TMC1: variants seen among roughly 807,000 people sequenced by gnomAD.
TMC1 encodes the protein transmembrane channel-like protein 1.
In TMC1, 84 loss-of-function variants were observed where a neutral mutation model predicts 105.8. The observed-to-expected ratio is 0.79, with a 90% CI of 0.67 to 0.95. The LOEUF is 0.95. Ranked by LOEUF, TMC1 falls within the 40% of genes least tolerant of loss-of-function variation. The pLI is 0.00. For missense variants in TMC1, 817 were observed against 914.1 expected, an observed-to-expected ratio of 0.89 and a Z score of 1.37; for synonymous variants, 315 against 311.5, an observed-to-expected ratio of 1.01 and a Z score of -0.12.
intron 3 of TMC1, among the ~76,000 whole-genome samples, chr9:72,624,404 T>C (rs1409037057): frequency 6.6e-6 from 1 of 152,174 alleles, no homozygotes; most frequent in African/African-American, 2.4e-5. Context: ...TACATTTTTT[T>C]CCCCACACCT....
chr9:72,811,372 T>C (rs1316094380), intron 18 of TMC1, among the ~76,000 whole-genome samples: 1 of 152,132 alleles, frequency 6.6e-6, no homozygotes, highest in Non-Finnish European at 1.5e-5. Context: ...GTAATGTAAG[T>C]TAATGTCTCC....
intron 6 of TMC1, among the ~76,000 whole-genome samples, chr9:72,694,103 C>A (rs544719278): frequency 6.6e-6 from 1 of 152,188 alleles, no homozygotes; most frequent in Non-Finnish European, 1.5e-5. Context: ...ACCTCTTTAA[C>A]GTTCCTCTTC....
At chr9:72,616,744 A>G (rs1456495738) in intron 3 of TMC1, among the ~76,000 whole-genome samples, 4 of 151,900 alleles carry the variant, frequency 2.6e-5, no homozygotes, top group African/African-American at 7.3e-5. Context: ...TGGAAAATCA[A>G]TCCTTTTAAA....
chr9:72,703,827 G>A (rs530308878), intron 8 of TMC1, among the ~76,000 whole-genome samples: 1 of 152,352 alleles, frequency 6.6e-6, no homozygotes, highest in African/African-American at 2.4e-5. Flanking sequence ...GGCCAGAAGT[G>A]GTTTCTGCCT....
chr9:72,771,476 C>T (rs899205037), intron 12 of TMC1, among the ~76,000 whole-genome samples: 1 of 152,156 alleles, frequency 6.6e-6, no homozygotes, highest in African/African-American at 2.4e-5. Flanking sequence ...TCCCTGGGTT[C>T]GTATAAATGA....
At chr9:72,743,358 C>T (rs1827425266) in intron 10 of TMC1, among the ~76,000 whole-genome samples, 1 of 142,990 alleles carries the variant, frequency 7.0e-6, no homozygotes, top group Non-Finnish European at 1.5e-5. Context: ...CAGAGCGAGA[C>T]TCCGTCTCAC....
intron 1 of TMC1, among the ~76,000 whole-genome samples, chr9:72,577,233 G>T (rs1587970044): frequency 6.6e-6 from 1 of 152,110 alleles, no homozygotes; most frequent in African/African-American, 2.4e-5. Context: ...CTCTTGGGCT[G>T]CTCATAACCT....
intron 5 of TMC1, among the ~76,000 whole-genome samples, chr9:72,655,159 T>G (rs1825865153): frequency 6.6e-6 from 1 of 152,196 alleles, no homozygotes; most frequent in Non-Finnish European, 1.5e-5. Context: ...TTTCCCCTGC[T>G]TGCACTTCTC....
intron 20 of TMC1, among the ~76,000 whole-genome samples, chr9:72,821,366 G>A (rs1273399845): frequency 6.6e-6 from 1 of 152,080 alleles, no homozygotes; most frequent in Non-Finnish European, 1.5e-5. Context: ...GTCGCGTGTG[G>A]TGGTGGGTGC....
chr9:72,591,442 G>A (rs1824638157), intron 2 of TMC1, among the ~76,000 whole-genome samples: 3 of 152,154 alleles, frequency 2.0e-5, no homozygotes. Flanking sequence ...GTGTGAATAT[G>A]GAGAAGAATA....
At chr9:72,728,879 T>C (rs969923189) in intron 8 of TMC1, among the ~76,000 whole-genome samples, 2 of 152,088 alleles carry the variant, frequency 1.3e-5, no homozygotes, top group African/African-American at 2.4e-5. Context: ...AGTGTGCTTT[T>C]ATTTTTAAAT....
At chr9:72,612,588 A>T (rs549018395) in intron 2 of TMC1, among the ~76,000 whole-genome samples, 67 of 152,238 alleles carry the variant, frequency 4.4e-4, no homozygotes, top group African/African-American at 1.6e-3. Flanking sequence ...ACAGCCATAG[A>T]TGTTAAGTAA....
intron 1 of TMC1, among the ~76,000 whole-genome samples, chr9:72,528,220 T>C (rs1299612788): frequency 6.6e-5 from 10 of 152,228 alleles, no homozygotes; most frequent in Admixed American, 6.5e-4. Flanking sequence ...AGGTGCTGTC[T>C]ATGAGGAAGG....
intron 1 of TMC1, among the ~76,000 whole-genome samples, chr9:72,531,604 T>C (rs1272641656): frequency 6.6e-6 from 1 of 152,212 alleles, no homozygotes; most frequent in African/African-American, 2.4e-5. Flanking sequence ...CTCAGTCACA[T>C]AAAATATTCT....
At chr9:72,746,267 C>T (rs897414783) in intron 10 of TMC1, among the ~76,000 whole-genome samples, 2 of 152,102 alleles carry the variant, frequency 1.3e-5, no homozygotes, top group African/African-American at 4.8e-5. Flanking sequence ...TCAGAATAAG[C>T]CTGACATTAT....
intron 2 of TMC1, among the ~76,000 whole-genome samples, chr9:72,583,899 A>G (rs1473839908): frequency 1.3e-5 from 2 of 152,260 alleles, no homozygotes; most frequent in Admixed American, 1.3e-4. Flanking sequence ...CAATTGTTTG[A>G]AAAACAATGC....
At chr9:72,784,343 A>C (rs1020109724) in intron 13 of TMC1, among the ~76,000 whole-genome samples, 1 of 152,236 alleles carries the variant, frequency 6.6e-6, no homozygotes, top group Non-Finnish European at 1.5e-5. Context: ...ATTACTAATC[A>C]TTAGAGAAAT....
intron 18 of TMC1, among the ~76,000 whole-genome samples, chr9:72,809,523 G>C (rs1304439149): frequency 6.6e-6 from 1 of 152,148 alleles, no homozygotes; most frequent in East Asian, 1.9e-4. Context: ...GGCCTACTAG[G>C]TGCAAGCCAT....
intron 23 of TMC1, among the ~76,000 whole-genome samples, chr9:72,833,467 G>T (rs930931105): frequency 6.6e-5 from 10 of 152,116 alleles, no homozygotes; most frequent in African/African-American, 2.4e-4. Flanking sequence ...GTGTGTCTGG[G>T]ATACAGCTGT....
Sources: gnomAD v4.1 joint callset for allele counts (sites outside exome capture counted in the v4.1 genomes callset) on GRCh38, gnomAD v4.1.1 for gene constraint, MANE v1.5 for transcripts, NCBI Gene and HGNC (gene_info 2026-07-23, HGNC 2026-07-21) for gene names.